Variants in ETV6 observed in about 807,000 individuals in gnomAD.
ETV6 encodes the protein ETS variant transcription factor 6, also known as transcription factor ETV6.
A neutral mutation model predicts 51.1 loss-of-function variants in ETV6; 16 were observed. The observed-to-expected ratio is 0.31, with a 90% CI of 0.21 to 0.48. The LOEUF is 0.48. ETV6 is among the 20% of genes least tolerant of loss of function. The pLI is 0.99. For synonymous variants in ETV6, 240 were observed against 224.1 expected, an observed-to-expected ratio of 1.07 and a Z score of -0.64; for missense variants, 458 against 594.8, an observed-to-expected ratio of 0.77 and a Z score of 2.39.
intron 1 of ETV6, among the ~76,000 whole-genome samples, chr12:11,686,280 G>A (rs1864626791): frequency 6.6e-6 from 1 of 152,194 alleles, no homozygotes; most frequent in Non-Finnish European, 1.5e-5. Flanking sequence ...GGGTGGGATA[G>A]GATACCAGTA....
At chr12:11,788,534 C>G (rs1945523011) in intron 2 of ETV6, among the ~76,000 whole-genome samples, 1 of 152,176 alleles carries the variant, frequency 6.6e-6, no homozygotes, top group Admixed American at 6.5e-5. Context: ...CTTCTGATAA[C>G]TGTATTTGGT....
intron 1 of ETV6, among the ~76,000 whole-genome samples, chr12:11,684,844 T>C (rs1221943320): frequency 6.6e-6 from 1 of 152,210 alleles, no homozygotes; most frequent in African/African-American, 2.4e-5. Context: ...GCCTTGGTGT[T>C]ATAATACCCA....
At chr12:11,817,734 C>T (rs1946013494) in intron 2 of ETV6, among the ~76,000 whole-genome samples, 1 of 152,170 alleles carries the variant, frequency 6.6e-6, no homozygotes, top group South Asian at 2.1e-4. Flanking sequence ...TGAACTCTTA[C>T]CGGAATGGGT....
chr12:11,759,806 C>T (rs887906511), intron 2 of ETV6, among the ~76,000 whole-genome samples: 5 of 152,278 alleles, frequency 3.3e-5, no homozygotes, highest in Middle Eastern at 3.4e-3. Context: ...AGTTACTTCT[C>T]ACCTCCTCTG....
rs1207695013 is a variant in ETV6, at chr12:11,893,348, T to TTGA, written c.*2302_*2303insTGA. The TTGA allele has an allele frequency of 4.9e-6, 1 of 202,666 alleles. No homozygotes were observed. Among genetic ancestry groups the TTGA allele is most frequent in the East Asian group, 6.6e-5 (1 of 15,070 alleles). 12.6% of individuals were successfully genotyped at this position (202,666 alleles called of 1,614,324 possible). A position where few individuals can be genotyped will look rare whatever the true frequency, so the allele number is the denominator to read the frequency against. On this transcript the variant is annotated 3_prime_UTR_variant, in exon 8 of 8. Transcript: ENST00000396373. ...ACCCAAGTGCAAGAACTCAGTCTCT[T>TTGA]ACTGTTCAAAGAATCTTAACAGTTG... is the stretch of plus-strand genomic sequence containing the variant.
intron 2 of ETV6, among the ~76,000 whole-genome samples, chr12:11,827,542 G>A (rs1411685139): frequency 6.6e-6 from 1 of 151,580 alleles, no homozygotes; most frequent in Non-Finnish European, 1.5e-5. Context: ...CCCAGCCCCC[G>A]CGCCCTGCCC....
chr12:11,778,695 T>A (rs1229502454), intron 2 of ETV6, among the ~76,000 whole-genome samples: 2 of 150,284 alleles, frequency 1.3e-5, no homozygotes, highest in African/African-American at 2.4e-5. Flanking sequence ...TTTTCTTTCT[T>A]AAAAAAAAAA....
At chr12:11,716,330 C>CAAAAAAAAAAAAAAAAAAAAAA in intron 1 of ETV6, among the ~76,000 whole-genome samples, 1 of 58,118 alleles carries the variant, frequency 1.7e-5, no homozygotes, top group African/African-American at 6.2e-5. Flanking sequence ...GACTCCTTCT[C>CAAAAAAAAAAAAAAAAAAAAAA]AAAAAAAAAA....
chr12:11,890,549 TCC>T lies in ETV6; in HGVS notation c.1254-390_1254-389del, dbSNP rs1236267982. Among the ~76,000 whole-genome samples the T allele has an allele frequency of 2.0e-5, 3 of 151,820 alleles. No homozygotes were observed. In the East Asian group the frequency reaches 5.8e-4, roughly 30 times the overall value. On this transcript the variant is annotated intron_variant, in intron 7 of 7. Coordinates refer to ENST00000396373, the MANE Select transcript of ETV6 (RefSeq NM_001987.5). ...CTTAAGGGATTCTCCCACCTCAGCC[TCC>T]CAAGTAGCTAGGACTACAGGTGCAC...
At chr12:11,805,290 C>T (rs1464891821) in intron 2 of ETV6, among the ~76,000 whole-genome samples, 1 of 152,176 alleles carries the variant, frequency 6.6e-6, no homozygotes, top group East Asian at 1.9e-4. Context: ...AGTCAGATAC[C>T]AATTGTCCGT....
At position 11,700,357 on chromosome 12, in the gene ETV6, G is replaced by A. The variant is rs1421261558; in HGVS notation, c.33+50197G>A. Among the ~76,000 whole-genome samples the A allele has an allele frequency of 7.2e-5, 11 of 152,166 alleles. No individual in the cohort carries two copies. In the East Asian group the frequency reaches 2.1e-3, roughly 29 times the overall value. ...TAGTGAACATTGTACCCAATAGGTA[G>A]GTTTTCAACCTTAACCTGCCTCCTA... On this transcript the variant is annotated intron_variant, in intron 1 of 7. Coordinates refer to ENST00000396373, the MANE Select transcript of ETV6 (RefSeq NM_001987.5).
At chr12:11,843,257 G>T (rs908681923) in intron 3 of ETV6, among the ~76,000 whole-genome samples, 7 of 152,188 alleles carry the variant, frequency 4.6e-5, no homozygotes, top group African/African-American at 1.4e-4. Flanking sequence ...GCAAGAGGGG[G>T]AAGGCCACAG....
intron 3 of ETV6, among the ~76,000 whole-genome samples, chr12:11,852,549 A>T (rs1260012947): frequency 1.3e-5 from 2 of 152,212 alleles, no homozygotes. Flanking sequence ...TGAAGAATCT[A>T]TGAGTTGTCA....
rs148128501 is a variant in ETV6 at position 11,890,926 on chromosome 12, C to T, written c.1254-15C>T. ...AAAATGGAATCTCTTACCTCCTCCA[C>T]TTCTTCTTCCAAAGGTTTATGAAAA... On this transcript the variant is annotated splice_polypyrimidine_tract_variant and intron_variant, in intron 7 of 7. Coordinates refer to ENST00000396373, the MANE Select transcript of ETV6 (RefSeq NM_001987.5). 6.8e-6 allele frequency: 11 copies of T among 1,606,164 alleles called. No homozygotes were observed. Among genetic ancestry groups the T allele is most frequent in the Non-Finnish European group, 8.5e-6 (10 of 1,172,888 alleles).
chr12:11,650,194 A>C, intron 1 of ETV6, 34 bp downstream of exon 1: 1 of 1,600,872 alleles, frequency 6.2e-7, no homozygotes, highest in Non-Finnish European at 8.6e-7. Flanking sequence ...TACGTGGTGG[A>C]AACCCTGAGC....
chr12:11,735,689 C>T (rs1865691270), intron 1 of ETV6, among the ~76,000 whole-genome samples: 1 of 152,214 alleles, frequency 6.6e-6, no homozygotes, highest in African/African-American at 2.4e-5. Flanking sequence ...CAACCTCCGC[C>T]TCCCGGGTTC....
chr12:11,684,350 ATAT>A (rs1183663582), intron 1 of ETV6, among the ~76,000 whole-genome samples: 1 of 152,190 alleles, frequency 6.6e-6, no homozygotes, highest in Non-Finnish European at 1.5e-5. Context: ...CTTTTAAAAC[ATAT>A]TATTTGTGTT....
chr12:11,734,307 C>T (rs1423575710), intron 1 of ETV6, among the ~76,000 whole-genome samples: 1 of 152,006 alleles, frequency 6.6e-6, no homozygotes, highest in Non-Finnish European at 1.5e-5. Flanking sequence ...TGAGCCATCT[C>T]GGAAATGACC....
intron 1 of ETV6, among the ~76,000 whole-genome samples, chr12:11,714,178 G>A (rs940801850): frequency 6.6e-6 from 1 of 152,138 alleles, no homozygotes; most frequent in African/African-American, 2.4e-5. Context: ...ATGAATTAAC[G>A]TTGGAGATGA....
Sources: gnomAD v4.1 joint callset for allele counts (sites outside exome capture counted in the v4.1 genomes callset) on GRCh38, gnomAD v4.1.1 for gene constraint, MANE v1.5 for transcripts, NCBI Gene and HGNC (gene_info 2026-07-23, HGNC 2026-07-21) for gene names.